Variants in TENM2 observed in about 807,000 individuals in gnomAD.
TENM2 encodes teneurin transmembrane protein 2, also known as teneurin-2.
Under a neutral mutation model 245.2 loss-of-function variants are expected in TENM2, and 52 were observed. The ratio of observed to expected loss-of-function variants is 0.21; its 90% CI spans 0.17 to 0.27. The LOEUF is 0.27. TENM2 is among the 10% of genes least tolerant of loss of function. The pLI is 1.00. For missense variants in TENM2, 3,046 were observed against 3,666.8 expected (o/e 0.83, Z 4.37); for synonymous variants, 1,363 against 1,438.9 (o/e 0.95, Z 1.19).
chr5:167,693,335 T>C (rs1007693437), intron 2 of TENM2, among the ~76,000 whole-genome samples: 10 of 152,150 alleles, frequency 6.6e-5, no homozygotes, highest in Non-Finnish European at 1.2e-4. Context: ...AACTTTAATA[T>C]GTTAAAAAAA....
At position 167,992,270 on chromosome 5, in the gene TENM2, T is replaced by TA. The variant is rs758427508; in HGVS notation, c.948-666dup. Reference sequence around the variant, plus strand: ...CCTGTACCCCCAAAACTATTGAAATTAAAAAAAAGAATATATCTGGATTAC... The same window carrying TA: ...CCTGTACCCCCAAAACTATTGAAATTAAAAAAAAAGAATATATCTGGATTAC... On this transcript the variant is annotated intron_variant, in intron 4 of 28. Coordinates refer to ENST00000518659, the Ensembl canonical transcript of TENM2. Among the ~76,000 whole-genome samples, 12 of 151,136 alleles carry TA rather than the reference T, an allele frequency of 7.9e-5. No homozygotes were observed. In the South Asian group the frequency reaches 1.7e-3, roughly 21 times the overall value.
In TENM2 at chr5:167,866,059, C is replaced by T. The variant is rs552684637; in HGVS notation, c.503-9927C>T. ...CTCATAGTCTCAAGAATCAGCCAGA[C>T]ATTTAGGCAAGTACATAGGCTAACA... On this transcript the variant is annotated intron_variant, in intron 2 of 28. Coordinates refer to ENST00000518659, the Ensembl canonical transcript of TENM2. Among the ~76,000 whole-genome samples the T allele has an allele frequency of 6.4e-4, 98 of 152,310 alleles. 1 individual carries two copies. The highest frequency in any genetic ancestry group is 3.4e-3 in the Middle Eastern group (1 of 292).
At chr5:168,259,245 T>G (rs956951946) in intron 27 of TENM2, among the ~76,000 whole-genome samples, 1 of 152,058 alleles carries the variant, frequency 6.6e-6, no homozygotes, top group Non-Finnish European at 1.5e-5. Context: ...GTGTGGCAGG[T>G]GGTCTTACTC....
intron 2 of TENM2, among the ~76,000 whole-genome samples, chr5:167,390,900 C>A (rs1232347124): frequency 1.3e-5 from 2 of 152,156 alleles, no homozygotes; most frequent in African/African-American, 2.4e-5. Context: ...AGGCCCTCCA[C>A]AATATAGTCC....
chr5:166,999,457 G>A, the TENM2 span, among the ~76,000 whole-genome samples: 1 of 152,218 alleles, frequency 6.6e-6, no homozygotes, highest in South Asian at 2.1e-4. Context: ...ATCAAGCATA[G>A]ATTAGGAGGA....
chr5:167,646,200 C>CATATATATATATATAT (rs61476810), intron 2 of TENM2, among the ~76,000 whole-genome samples: 147 of 63,342 alleles, frequency 2.3e-3, no homozygotes, highest in South Asian at 3.0e-3. Context: ...ATGTTGTTTT[C>CATATATATATATATAT]ATATATATAT....
At chr5:167,440,734 C>T (rs1764830479) in intron 2 of TENM2, among the ~76,000 whole-genome samples, 1 of 152,090 alleles carries the variant, frequency 6.6e-6, no homozygotes, top group Non-Finnish European at 1.5e-5. Flanking sequence ...TCTTCTCTTT[C>T]CTTCTTCTGC....
intron 2 of TENM2, among the ~76,000 whole-genome samples, chr5:167,624,385 A>G (rs1410921169): frequency 6.6e-6 from 1 of 152,202 alleles, no homozygotes; most frequent in East Asian, 1.9e-4. Context: ...TCATGGACAT[A>G]AAGATGAGAA....
At chr5:167,074,236 A>G in the TENM2 span, among the ~76,000 whole-genome samples, 3 of 152,144 alleles carry the variant, frequency 2.0e-5, no homozygotes, top group South Asian at 6.2e-4. Flanking sequence ...GATATTAAAA[A>G]CTCATAAGTA....
At chr5:167,614,755 A>C (rs2127756965) in intron 2 of TENM2, among the ~76,000 whole-genome samples, 1 of 152,208 alleles carries the variant, frequency 6.6e-6, no homozygotes, top group South Asian at 2.1e-4. Context: ...ACAAGGAGAA[A>C]TGGGGATTGC....
intron 23 of TENM2, among the ~76,000 whole-genome samples, chr5:168,223,529 A>G (rs1763861280): frequency 6.9e-6 from 1 of 145,652 alleles, no homozygotes; most frequent in African/African-American, 2.6e-5. Flanking sequence ...GTGCAGTGGC[A>G]CAATCTCAGC....
rs182268587 is a variant in TENM2 at position 167,973,454 on chromosome 5, G to A, written c.948-19490G>A. Reference sequence around the variant, plus strand: ...ACCATGGCACAGAGAGTGAAAGATCGAAAAGACATGGCCCCTGACCTCTGG... The same window carrying A: ...ACCATGGCACAGAGAGTGAAAGATCAAAAAGACATGGCCCCTGACCTCTGG... On this transcript the variant is annotated intron_variant, in intron 4 of 28. Transcript: ENST00000518659. Among the ~76,000 whole-genome samples, 73 of 152,332 alleles carry A rather than the reference G, an allele frequency of 4.8e-4. 2 individuals are homozygous for A. Among genetic ancestry groups the A allele is most frequent in the African/African-American group, 1.7e-3 (72 of 41,578 alleles).
chr5:167,737,072 C>A (rs1338472477), intron 2 of TENM2, among the ~76,000 whole-genome samples: 2 of 152,188 alleles, frequency 1.3e-5, no homozygotes, highest in African/African-American at 4.8e-5. Context: ...GATCTTTCTG[C>A]CTTCCAGAAA....
intron 2 of TENM2, among the ~76,000 whole-genome samples, chr5:167,617,264 G>A (rs1777853941): frequency 6.6e-6 from 1 of 152,112 alleles, no homozygotes; most frequent in African/African-American, 2.4e-5. Flanking sequence ...ACACAAATGT[G>A]TGCATGTAAA....
chr5:168,057,326 C>T (rs1789632672), intron 6 of TENM2, among the ~76,000 whole-genome samples: 1 of 151,798 alleles, frequency 6.6e-6, no homozygotes, highest in African/African-American at 2.4e-5. Context: ...CACACACACA[C>T]ACACACTCAC....
chr5:167,663,141 GGAGA>G (rs544699415), intron 2 of TENM2, among the ~76,000 whole-genome samples: 12,361 of 108,430 alleles, frequency 0.11, 329 homozygotes, highest in East Asian at 0.26. Context: ...ATGGGGATGG[GGAGA>G]GAGAGAGAGA....
chr5:167,570,551 T>C (rs1774202630), intron 2 of TENM2, among the ~76,000 whole-genome samples: 1 of 152,162 alleles, frequency 6.6e-6, no homozygotes, highest in Non-Finnish European at 1.5e-5. Flanking sequence ...TAGAATAATG[T>C]CATTCTCCTT....
At chr5:167,268,749 T>G in the TENM2 span, among the ~76,000 whole-genome samples, 1 of 152,200 alleles carries the variant, frequency 6.6e-6, no homozygotes, top group South Asian at 2.1e-4. Context: ...AATGGTGGAG[T>G]TCAGTAGTAG....
the TENM2 span, among the ~76,000 whole-genome samples, chr5:167,043,017 C>T: frequency 2.0e-4 from 31 of 152,234 alleles, no homozygotes; most frequent in African/African-American, 5.8e-4. Flanking sequence ...GTCTCTGGAA[C>T]GATACATTCC....
Sources: allele counts gnomAD v4.1 joint callset (sites outside exome capture counted in the v4.1 genomes callset), GRCh38; gene constraint gnomAD v4.1.1; transcripts MANE v1.5; gene names NCBI Gene and HGNC (gene_info 2026-07-23, HGNC 2026-07-21).